Variants in GRID1 observed in about 807,000 individuals in gnomAD.
The protein encoded by GRID1 is glutamate ionotropic receptor delta type subunit 1.
A neutral mutation model predicts 98.0 loss-of-function variants in GRID1; 28 were observed. The observed-to-expected ratio is 0.29, with a 90% CI of 0.21 to 0.39. GRID1 has a LOEUF of 0.39. Ranked by LOEUF, GRID1 falls within the 10% of genes least tolerant of loss-of-function variation. The probability of loss-of-function intolerance (pLI) is 1.00; values close to 1 mark genes in which losing one functional copy is unlikely to be tolerated. For missense variants in GRID1, 1,111 were observed against 1,340.5 expected (o/e 0.83, Z 2.67); for synonymous variants, 553 against 538.5 (o/e 1.03, Z -0.37).
chr10:85,953,538 G>A (rs1842151561), intron 4 of GRID1, among the ~76,000 whole-genome samples: 1 of 152,132 alleles, frequency 6.6e-6, no homozygotes, highest in Non-Finnish European at 1.5e-5. Flanking sequence ...TAATTGCTAG[G>A]ATATTTTGTG....
At chr10:85,709,383 C>A (rs533712829) in intron 12 of GRID1, among the ~76,000 whole-genome samples, 61 of 152,302 alleles carry the variant, frequency 4.0e-4, no homozygotes, top group Middle Eastern at 3.4e-3. Context: ...TTGATTCAGA[C>A]AGTTTATGGG....
intron 4 of GRID1, among the ~76,000 whole-genome samples, chr10:86,018,094 GAA>G (rs1843002150): frequency 6.6e-6 from 1 of 152,190 alleles, no homozygotes; most frequent in African/African-American, 2.4e-5. Flanking sequence ...ACAGCTCTAG[GAA>G]AAAGAGAACG....
intron 4 of GRID1, among the ~76,000 whole-genome samples, chr10:86,135,029 C>T (rs1377011219): frequency 6.6e-6 from 1 of 152,206 alleles, no homozygotes; most frequent in African/African-American, 2.4e-5. Flanking sequence ...ACAGGAAGAG[C>T]CATGAGCAGA....
chr10:85,899,339 A>G (rs1564621643), intron 5 of GRID1, among the ~76,000 whole-genome samples: 1 of 152,200 alleles, frequency 6.6e-6, no homozygotes, highest in African/African-American at 2.4e-5. Flanking sequence ...GGTTGATTCC[A>G]TATCTTGCTA....
chr10:85,976,998 C>T (rs550523196), intron 4 of GRID1, among the ~76,000 whole-genome samples: 1 of 152,276 alleles, frequency 6.6e-6, no homozygotes, highest in East Asian at 1.9e-4. Context: ...CTGTGGGTTC[C>T]AGCACAGTCT....
intron 4 of GRID1, among the ~76,000 whole-genome samples, chr10:85,967,034 A>C (rs374449862): frequency 2.6e-5 from 4 of 152,202 alleles, no homozygotes; most frequent in African/African-American, 9.7e-5. Flanking sequence ...GTAGTGAATA[A>C]GTCTCACAAG....
chr10:85,674,710 C>T (rs528344268), intron 12 of GRID1, among the ~76,000 whole-genome samples: 1 of 149,644 alleles, frequency 6.7e-6, no homozygotes, highest in African/African-American at 2.5e-5. Flanking sequence ...GTGAAAATTG[C>T]AGGTTTTTTT....
chr10:85,981,253 AC>A (rs1289495644), intron 4 of GRID1, among the ~76,000 whole-genome samples: 3 of 152,226 alleles, frequency 2.0e-5, no homozygotes, highest in Admixed American at 1.3e-4. Flanking sequence ...CTCTTCAGGC[AC>A]AAGCTTTCAG....
intron 2 of GRID1, among the ~76,000 whole-genome samples, chr10:86,354,141 G>A (rs572908917): frequency 5.9e-5 from 9 of 152,376 alleles, no homozygotes; most frequent in Admixed American, 2.0e-4. Context: ...AAGGAAGAGC[G>A]CCATGGGGGA....
chr10:85,680,780 A>G (rs976012341), intron 12 of GRID1, among the ~76,000 whole-genome samples: 2 of 152,254 alleles, frequency 1.3e-5, no homozygotes, highest in Admixed American at 6.5e-5. Context: ...AATGTGGTAC[A>G]TATACACCAG....
intron 2 of GRID1, among the ~76,000 whole-genome samples, chr10:86,260,493 C>T (rs997177774): frequency 4.6e-5 from 7 of 152,300 alleles, no homozygotes; most frequent in Admixed American, 2.0e-4. Context: ...CATCAATAAT[C>T]CCTGGACTCT....
intron 8 of GRID1, among the ~76,000 whole-genome samples, chr10:85,853,318 G>A (rs911178150): frequency 1.7e-4 from 26 of 152,208 alleles, no homozygotes; most frequent in African/African-American, 6.3e-4. Flanking sequence ...GGTGACATCA[G>A]GCTAGAGGGC....
At chr10:86,335,089 C>A (rs1380394699) in intron 2 of GRID1, among the ~76,000 whole-genome samples, 1 of 152,226 alleles carries the variant, frequency 6.6e-6, no homozygotes, top group Non-Finnish European at 1.5e-5. Flanking sequence ...TCACTCCTTG[C>A]CTTTTAAAAT....
At chr10:86,186,425 A>T (rs1435237694) in intron 3 of GRID1, among the ~76,000 whole-genome samples, 2 of 152,052 alleles carry the variant, frequency 1.3e-5, no homozygotes, top group South Asian at 2.1e-4. Flanking sequence ...TTTCCACTCT[A>T]ATCTTCATTT....
chr10:86,076,712 G>A (rs1430028378), intron 4 of GRID1, among the ~76,000 whole-genome samples: 3 of 152,142 alleles, frequency 2.0e-5, no homozygotes, highest in African/African-American at 7.2e-5. Context: ...GATTAGGTGA[G>A]GCCCACCCAC....
intron 8 of GRID1, among the ~76,000 whole-genome samples, chr10:85,751,783 A>G (rs1842048163): frequency 6.6e-6 from 1 of 152,220 alleles, no homozygotes; most frequent in African/African-American, 2.4e-5. Context: ...TAAAAAAATT[A>G]TTGTTAAATT....
chr10:86,115,854 G>A (rs1323914908), intron 4 of GRID1, among the ~76,000 whole-genome samples: 1 of 152,200 alleles, frequency 6.6e-6, no homozygotes, highest in South Asian at 2.1e-4. Flanking sequence ...ACCATGTACT[G>A]CATCTAAGAC....
chr10:85,752,346 C>T (rs1400368900), intron 8 of GRID1, among the ~76,000 whole-genome samples: 2 of 152,228 alleles, frequency 1.3e-5, no homozygotes, highest in South Asian at 2.1e-4. Flanking sequence ...TGACCTCATG[C>T]CAAGGTCAAA....
Position 86,238,485 on chromosome 10 carries a change from A to G in GRID1, c.236-31837T>C, listed in dbSNP as rs1589422313. Among the ~76,000 whole-genome samples the G allele has an allele frequency of 2.0e-5, 3 of 151,984 alleles. No homozygotes were observed. The East Asian group carries it at 5.8e-4, about 29-fold the overall frequency. Reference sequence around the variant, plus strand: ...GACCATCCTGCCCCCCGTCTCTACTAAAAATACAACCCCATCTCTACTAAA... The same window carrying G: ...GACCATCCTGCCCCCCGTCTCTACTGAAAATACAACCCCATCTCTACTAAA... On this transcript the variant is annotated intron_variant, in intron 2 of 15. Coordinates refer to ENST00000327946, the MANE Select transcript of GRID1 (RefSeq NM_017551.3).
Sources: allele counts gnomAD v4.1 joint callset (sites outside exome capture counted in the v4.1 genomes callset), GRCh38; gene constraint gnomAD v4.1.1; transcripts MANE v1.5; gene names NCBI Gene and HGNC (gene_info 2026-07-23, HGNC 2026-07-21).